PTPRD: variants seen among roughly 807,000 people sequenced by gnomAD.
PTPRD encodes receptor-type tyrosine-protein phosphatase delta.
A neutral mutation model predicts 214.5 loss-of-function variants in PTPRD; 34 were observed. That is an observed-to-expected ratio of 0.16 (90% CI 0.12 to 0.21). The LOEUF (loss-of-function observed/expected upper bound fraction) is 0.21, where lower values mean the gene tolerates loss of function less well. Ranked by LOEUF, PTPRD falls within the 10% of genes least tolerant of loss-of-function variation. The probability of loss-of-function intolerance (pLI) is 1.00; values close to 1 mark genes in which losing one functional copy is unlikely to be tolerated. For missense variants in PTPRD, 2,545 were observed against 2,398.7 expected (o/e 1.06, Z -1.27); for synonymous variants, 1,128 against 845.7 (o/e 1.33, Z -5.79).
At chr9:8,998,720 T>A (rs541522890) in intron 11 of PTPRD, among the ~76,000 whole-genome samples, 139 of 152,188 alleles carry the variant, frequency 9.1e-4, no homozygotes, top group Non-Finnish European at 1.3e-3. Flanking sequence ...CTCTGATGGA[T>A]CTGAGCAAAG....
chr9:9,484,171 T>G (rs903090837), intron 8 of PTPRD, among the ~76,000 whole-genome samples: 2 of 151,844 alleles, frequency 1.3e-5, no homozygotes, highest in African/African-American at 2.4e-5. Context: ...ATTTTAAACA[T>G]TTAAAAGTTC....
At chr9:9,079,221 C>T (rs901753514) in intron 10 of PTPRD, among the ~76,000 whole-genome samples, 2 of 151,974 alleles carry the variant, frequency 1.3e-5, no homozygotes, top group African/African-American at 4.8e-5. Flanking sequence ...CCACCCTTCC[C>T]AGCCTCTAAT....
intron 11 of PTPRD, among the ~76,000 whole-genome samples, chr9:8,798,881 G>T (rs1047958673): frequency 6.6e-6 from 1 of 152,106 alleles, no homozygotes; most frequent in African/African-American, 2.4e-5. Context: ...TCTCATTGCT[G>T]CAGTTTAAGT....
chr9:8,806,903 G>C (rs1471508523), intron 11 of PTPRD, among the ~76,000 whole-genome samples: 1 of 152,156 alleles, frequency 6.6e-6, no homozygotes, highest in Non-Finnish European at 1.5e-5. Context: ...TAACTTATTT[G>C]ATGGAAATAA....
intron 12 of PTPRD, among the ~76,000 whole-genome samples, chr9:8,699,102 T>A (rs2098008412): frequency 6.6e-6 from 1 of 152,210 alleles, no homozygotes; most frequent in South Asian, 2.1e-4. Context: ...TCAGAATTCC[T>A]GAATAATGAA....
intron 14 of PTPRD, among the ~76,000 whole-genome samples, chr9:8,593,692 G>A (rs1482899269): frequency 6.6e-6 from 1 of 152,150 alleles, no homozygotes; most frequent in Non-Finnish European, 1.5e-5. Flanking sequence ...ATCCTTAAGA[G>A]GAGTGGTAGA....
At chr9:9,194,492 C>T (rs2099937075) in intron 9 of PTPRD, among the ~76,000 whole-genome samples, 1 of 152,152 alleles carries the variant, frequency 6.6e-6, no homozygotes, top group Admixed American at 6.6e-5. Context: ...TGTTGTGCTA[C>T]AATGGCTGTG....
intron 7 of PTPRD, among the ~76,000 whole-genome samples, chr9:9,577,666 A>G (rs2089350476): frequency 6.6e-6 from 1 of 152,190 alleles, no homozygotes. Flanking sequence ...ACCAGTTATT[A>G]AACTGTCAGA....
At chr9:8,664,240 TA>T (rs1231201457) in intron 12 of PTPRD, among the ~76,000 whole-genome samples, 9 of 152,140 alleles carry the variant, frequency 5.9e-5, no homozygotes, top group African/African-American at 1.7e-4. Flanking sequence ...AATAAGCCTT[TA>T]AAAAAATGAC....
intron 3 of PTPRD, among the ~76,000 whole-genome samples, chr9:10,078,350 A>C (rs1374270908): frequency 1.4e-5 from 1 of 69,920 alleles, no homozygotes; most frequent in Non-Finnish European, 3.5e-5. Context: ...ATCTCTTCCA[A>C]AAAAAAAAAA....
intron 5 of PTPRD, among the ~76,000 whole-genome samples, chr9:9,807,092 T>C (rs533091394): frequency 2.6e-5 from 4 of 152,184 alleles, no homozygotes; most frequent in Non-Finnish European, 5.9e-5. Flanking sequence ...TCTTTTTGTT[T>C]CTGCTCTAAA....
chr9:9,962,866 T>C (rs999966708), intron 4 of PTPRD, among the ~76,000 whole-genome samples: 1 of 152,060 alleles, frequency 6.6e-6, no homozygotes, highest in African/African-American at 2.4e-5. Flanking sequence ...ATTTTCAAGT[T>C]GTAATGCACC....
At chr9:9,858,020 G>GGT (rs1160368979) in intron 5 of PTPRD, among the ~76,000 whole-genome samples, 1 of 152,158 alleles carries the variant, frequency 6.6e-6, no homozygotes, top group Admixed American at 6.5e-5. Context: ...CATTATCTAT[G>GGT]TCAAAAGATT....
intron 12 of PTPRD, among the ~76,000 whole-genome samples, chr9:8,685,317 G>C (rs1015767560): frequency 1.3e-5 from 2 of 151,182 alleles, no homozygotes; most frequent in East Asian, 1.9e-4. Context: ...AAGGCCCAAT[G>C]GAGCAATACT....
intron 2 of PTPRD, among the ~76,000 whole-genome samples, chr9:10,609,470 T>G (rs1189580006): frequency 6.6e-6 from 1 of 152,120 alleles, no homozygotes; most frequent in Non-Finnish European, 1.5e-5. Context: ...ACACCAGTGG[T>G]AACCACAATA....
chr9:9,154,816 T>TA (rs2099879831), intron 10 of PTPRD, among the ~76,000 whole-genome samples: 1 of 152,118 alleles, frequency 6.6e-6, no homozygotes, highest in Non-Finnish European at 1.5e-5. Context: ...TGTGGCCTTT[T>TA]AAAAAAATCA....
intron 6 of PTPRD, among the ~76,000 whole-genome samples, chr9:9,754,514 C>T (rs1020976302): frequency 2.6e-5 from 4 of 151,938 alleles, no homozygotes; most frequent in Admixed American, 6.6e-5. Context: ...GACGGCTTCA[C>T]AAGAATATTT....
chr9:8,663,117 C>T lies in PTPRD; in HGVS notation c.65-26273G>A, dbSNP rs572543747. ...CAAATAAAAACTATTTGGAATTGAG[C>T]TTTTGAAACTGACTCTTCCAACTGG... On this transcript the variant is annotated intron_variant, in intron 12 of 45. Coordinates refer to ENST00000381196, the MANE Select transcript of PTPRD (RefSeq NM_002839.4). 3.3e-5 allele frequency among the ~76,000 whole-genome samples: 5 copies of T among 152,080 alleles called. No homozygotes were observed. The East Asian group carries it at 9.7e-4, about 30-fold the overall frequency.
At chr9:10,279,505 C>T (rs775473081) in intron 3 of PTPRD, among the ~76,000 whole-genome samples, 18 of 152,002 alleles carry the variant, frequency 1.2e-4, no homozygotes, top group Non-Finnish European at 2.5e-4. Context: ...TCTGCATGTT[C>T]ACAGTATCAC....
Sources: gnomAD v4.1 joint callset for allele counts (sites outside exome capture counted in the v4.1 genomes callset) on GRCh38, gnomAD v4.1.1 for gene constraint, MANE v1.5 for transcripts, NCBI Gene and HGNC (gene_info 2026-07-23, HGNC 2026-07-21) for gene names.